FEZ2: variants seen among roughly 807,000 people sequenced by gnomAD.
FEZ2 encodes fasciculation and elongation protein zeta 2.
In FEZ2, 51 loss-of-function variants were observed where a neutral mutation model predicts 40.4. The observed-to-expected ratio is 1.26, with a 90% CI of 1.01 to 1.59. FEZ2 has a LOEUF of 1.59. FEZ2 is among the 40% of genes most tolerant of loss of function. FEZ2 has a pLI of 0.00. For synonymous variants in FEZ2, 242 were observed against 172.0 expected (o/e 1.41, Z -3.18); for missense variants, 640 against 438.3 (o/e 1.46, Z -4.11).
At chr2:36,577,076 G>T (rs370351679) in intron 5 of FEZ2, among the ~76,000 whole-genome samples, 74 of 152,226 alleles carry the variant, frequency 4.9e-4, no homozygotes, top group African/African-American at 1.7e-3. Context: ...GCAAAATAGT[G>T]TCCCTAATAT....
intron 5 of FEZ2, among the ~76,000 whole-genome samples, chr2:36,562,334 G>A (rs575019936): frequency 2.5e-4 from 38 of 152,226 alleles, no homozygotes; most frequent in South Asian, 1.2e-3. Flanking sequence ...TTTTAAGAGC[G>A]TAAAGAAGTC....
intron 5 of FEZ2, among the ~76,000 whole-genome samples, chr2:36,565,181 C>G (rs1360900217): frequency 6.6e-6 from 1 of 152,200 alleles, no homozygotes; most frequent in Non-Finnish European, 1.5e-5. Context: ...TATTTCCATC[C>G]CTACTTTCAC....
chr2:36,559,019 A>G (rs1668026854), intron 5 of FEZ2: 1 of 152,216 alleles, frequency 6.6e-6, no homozygotes, highest in African/African-American at 2.4e-5. Flanking sequence ...AAAAACACAC[A>G]CTAGCTTCTT....
Position 36,569,171 on chromosome 2 carries a change from A to G in FEZ2, c.903+9426T>C, listed in dbSNP as rs75498554. Among the ~76,000 whole-genome samples, 338 of 152,370 alleles carry G rather than the reference A, an allele frequency of 2.2e-3. 4 individuals are homozygous for G. The East Asian group carries it at 0.044, about 20-fold the overall frequency. ...TTTATAGAGTTGTTGTGAAGGTTAC[A>G]TGGAATAATCCATGCAAGTACCTAG... is the stretch of plus-strand genomic sequence containing the variant. On this transcript the variant is annotated intron_variant, in intron 5 of 7. Coordinates refer to ENST00000405912, the MANE Select transcript of FEZ2 (RefSeq NM_005102.3).
At chr2:36,587,606 AG>A (rs1668938810) in intron 2 of FEZ2, among the ~76,000 whole-genome samples, 1 of 152,132 alleles carries the variant, frequency 6.6e-6, no homozygotes, top group African/African-American at 2.4e-5. Context: ...CTAGCAAACT[AG>A]TTTTCCTGAA....
chr2:36,585,780 A>G (rs1386712245), intron 2 of FEZ2, among the ~76,000 whole-genome samples: 5 of 152,216 alleles, frequency 3.3e-5, no homozygotes, highest in African/African-American at 1.2e-4. Flanking sequence ...CATTGGGAAG[A>G]TGGGGAAAGG....
intron 2 of FEZ2, among the ~76,000 whole-genome samples, chr2:36,589,298 C>T (rs1041197497): frequency 1.1e-4 from 16 of 152,170 alleles, no homozygotes; most frequent in Admixed American, 9.2e-4. Flanking sequence ...GGCTAAACCC[C>T]GTGGCACAGA....
At chr2:36,559,941 G>A (rs571308027) in intron 5 of FEZ2, among the ~76,000 whole-genome samples, 14 of 152,246 alleles carry the variant, frequency 9.2e-5, no homozygotes, top group Non-Finnish European at 1.8e-4. Flanking sequence ...CTCCCTTCCG[G>A]AGAAACACTT....
chr2:36,562,614 A>T lies in FEZ2; in HGVS notation c.904-4101T>A, dbSNP rs11686443. On this transcript the variant is annotated intron_variant, in intron 5 of 7. Coordinates refer to ENST00000405912, the MANE Select transcript of FEZ2 (RefSeq NM_005102.3). Reference sequence around the variant, plus strand: ...GACTACTCTTCACTTCACTGAAAGCATAACTATTAGCTTTGATGGAGGAGG... The same window carrying T: ...GACTACTCTTCACTTCACTGAAAGCTTAACTATTAGCTTTGATGGAGGAGG... Among the ~76,000 whole-genome samples the T allele has an allele frequency of 1.2e-4, 18 of 152,190 alleles. No homozygotes were observed. The East Asian group carries it at 2.5e-3, about 21-fold the overall frequency.
intron 5 of FEZ2, 96 bp from the exon 6 acceptor site, chr2:36,558,609 A>G (rs980442875): frequency 5.1e-6 from 3 of 592,832 alleles, no homozygotes; most frequent in Admixed American, 3.4e-5. Flanking sequence ...CTGATAATAT[A>G]AAACACAAGC....
rs1197910893 is a variant in FEZ2 at position 36,578,877 on chromosome 2, AG to A, written c.635-13del. 2 of 1,596,938 alleles carry A rather than the reference AG, an allele frequency of 1.3e-6. No homozygotes were observed. The highest frequency in any genetic ancestry group is 2.2e-5 in the East Asian group (1 of 44,706). On this transcript the variant is annotated splice_polypyrimidine_tract_variant and intron_variant, in intron 4 of 7. Coordinates refer to ENST00000405912, the MANE Select transcript of FEZ2 (RefSeq NM_005102.3). ...GAGCCTTTTCACTCCTGTGACCAAA[AG>A]CAAAATACAGCAGATATTAAGACAA... is the stretch of plus-strand genomic sequence containing the variant.
chr2:36,595,437 T>C (rs936957981), intron 1 of FEZ2, among the ~76,000 whole-genome samples: 2 of 151,980 alleles, frequency 1.3e-5, no homozygotes, highest in Non-Finnish European at 2.9e-5. Context: ...CAGTTCACAA[T>C]AGGGTTCACG....
rs878943856 is a variant in FEZ2, at chr2:36,552,946, A to G, written c.*217T>C. 1.7e-5 allele frequency: 9 copies of G among 540,986 alleles called. No individual in the cohort carries two copies. The Admixed American group carries it at 2.7e-4, about 16-fold the overall frequency. 33.5% of individuals were successfully genotyped at this position (540,986 alleles called of 1,614,324 possible). The stretch of plus-strand genomic sequence containing the variant: ...TACTAAGAGAACAGTTTATTAGTAG[A>G]TTTAACAAAAACCATCTCTAGAATT... On this transcript the variant is annotated 3_prime_UTR_variant, in exon 8 of 8. Transcript: ENST00000405912.
At chr2:36,563,064 G>C (rs1668134285) in intron 5 of FEZ2, among the ~76,000 whole-genome samples, 1 of 152,186 alleles carries the variant, frequency 6.6e-6, no homozygotes, top group African/African-American at 2.4e-5. Flanking sequence ...GCCAATTCCT[G>C]TCACTAGAAA....
At chr2:36,574,722 A>C (rs1668513006) in intron 5 of FEZ2, among the ~76,000 whole-genome samples, 1 of 152,200 alleles carries the variant, frequency 6.6e-6, no homozygotes, top group South Asian at 2.1e-4. Context: ...CATTGAATAT[A>C]AAGAAGTGTC....
intron 5 of FEZ2, among the ~76,000 whole-genome samples, chr2:36,563,219 G>C (rs543308877): frequency 6.6e-6 from 1 of 152,202 alleles, no homozygotes; most frequent in Non-Finnish European, 1.5e-5. Flanking sequence ...TGTGCCACCA[G>C]AATTTTAGGC....
chr2:36,588,853 T>C (rs1668984616), intron 2 of FEZ2, among the ~76,000 whole-genome samples: 1 of 152,126 alleles, frequency 6.6e-6, no homozygotes, highest in Non-Finnish European at 1.5e-5. Context: ...GTGGGCCCGC[T>C]GTACATTTAG....
At chr2:36,568,496 C>G (rs1668316669) in intron 5 of FEZ2, among the ~76,000 whole-genome samples, 1 of 152,122 alleles carries the variant, frequency 6.6e-6, no homozygotes, top group Non-Finnish European at 1.5e-5. Context: ...TCCAAGTGTT[C>G]AAATTCAAAG....
At chr2:36,576,216 C>A (rs1038832831) in intron 5 of FEZ2, among the ~76,000 whole-genome samples, 3 of 152,096 alleles carry the variant, frequency 2.0e-5, no homozygotes, top group African/African-American at 7.2e-5. Flanking sequence ...TCAGAATCAC[C>A]CTTCCAGCCT....
Sources: allele counts gnomAD v4.1 joint callset (sites outside exome capture counted in the v4.1 genomes callset), GRCh38; gene constraint gnomAD v4.1.1; transcripts MANE v1.5; gene names NCBI Gene and HGNC (gene_info 2026-07-23, HGNC 2026-07-21).